PRKG2: variants seen among roughly 807,000 people sequenced by gnomAD.
PRKG2 encodes protein kinase cGMP-dependent 2, also known as cGMP-dependent protein kinase 2.
In PRKG2, 33 loss-of-function variants were observed where a neutral mutation model predicts 97.2. The ratio of observed to expected loss-of-function variants is 0.34; its 90% CI spans 0.26 to 0.45. The LOEUF (loss-of-function observed/expected upper bound fraction) is 0.45. Among genes scored for constraint, PRKG2 ranks in the 20% least tolerant of loss-of-function variants. The pLI, the probability that PRKG2 is intolerant of heterozygous loss-of-function variation, is 1.00. For synonymous variants in PRKG2, 330 were observed against 321.8 expected (o/e 1.03, Z -0.27); for missense variants, 638 against 900.0 (o/e 0.71, Z 3.73).
chr4:81,164,619 CCCA>C (rs757581164), intron 6 of PRKG2, among the ~76,000 whole-genome samples: 3 of 152,110 alleles, frequency 2.0e-5, no homozygotes, highest in Non-Finnish European at 4.4e-5. Flanking sequence ...GCATAAAAAT[CCCA>C]CCATTAGAGT....
At chr4:81,213,439 G>A (rs2110139673) in intron 1 of PRKG2, among the ~76,000 whole-genome samples, 1 of 152,182 alleles carries the variant, frequency 6.6e-6, no homozygotes, top group South Asian at 2.1e-4. Context: ...TCCTTAAGAG[G>A]TGAGCAGGCT....
chr4:81,128,473 T>C (rs1745829240), intron 14 of PRKG2, among the ~76,000 whole-genome samples: 2 of 152,190 alleles, frequency 1.3e-5, no homozygotes, highest in Non-Finnish European at 2.9e-5. Flanking sequence ...GGCTTTTTTT[T>C]GTTGGTAGGC....
At chr4:81,172,587 A>G (rs909435891) in intron 3 of PRKG2, among the ~76,000 whole-genome samples, 1 of 152,120 alleles carries the variant, frequency 6.6e-6, no homozygotes, top group African/African-American at 2.4e-5. Context: ...CCCCTTCACT[A>G]TTTTTCTTTT....
At chr4:81,189,398 TGGCAC>T (rs1458550374) in intron 2 of PRKG2, among the ~76,000 whole-genome samples, 5 of 133,540 alleles carry the variant, frequency 3.7e-5, no homozygotes, top group Admixed American at 3.5e-4. Flanking sequence ...AAAGAAAATG[TGGCAC>T]ATATACACCA....
intron 15 of PRKG2, 21 bp downstream of exon 15, chr4:81,110,427 A>T (rs1461822317): frequency 1.9e-6 from 3 of 1,597,130 alleles, no homozygotes; most frequent in Non-Finnish European, 2.6e-6. Context: ...AGGTGGCTGC[A>T]TAAAACTTGA....
intron 2 of PRKG2, among the ~76,000 whole-genome samples, chr4:81,179,945 C>T (rs997339436): frequency 3.9e-5 from 6 of 151,966 alleles, no homozygotes; most frequent in Middle Eastern, 6.3e-3. Flanking sequence ...GAGTTTGAGA[C>T]CAGCTTGGCC....
intron 5 of PRKG2, 69 bp from the exon 6 acceptor site, chr4:81,167,293 T>C: frequency 1.0e-6 from 1 of 984,420 alleles, no homozygotes. Context: ...ATATGCAGAT[T>C]CTAAAATCTT....
intron 5 of PRKG2, among the ~76,000 whole-genome samples, chr4:81,168,144 C>T (rs911773062): frequency 6.6e-6 from 1 of 152,060 alleles, no homozygotes; most frequent in Non-Finnish European, 1.5e-5. Flanking sequence ...GTTATTAACA[C>T]AGGCTATCAT....
intron 14 of PRKG2, among the ~76,000 whole-genome samples, chr4:81,112,792 CAA>C (rs1304583131): frequency 6.6e-6 from 1 of 152,182 alleles, no homozygotes; most frequent in Admixed American, 6.5e-5. Flanking sequence ...TCTTCTACAT[CAA>C]GTTTTGTATA....
intron 15 of PRKG2, among the ~76,000 whole-genome samples, chr4:81,109,620 C>T (rs1743701093): frequency 6.6e-6 from 1 of 152,022 alleles, no homozygotes; most frequent in African/African-American, 2.4e-5. Flanking sequence ...AAATGTAAAT[C>T]ATAAAATAAT....
intron 14 of PRKG2, among the ~76,000 whole-genome samples, chr4:81,127,026 T>C (rs902747568): frequency 6.6e-6 from 1 of 151,776 alleles, no homozygotes; most frequent in African/African-American, 2.4e-5. Flanking sequence ...AGTCTTTATC[T>C]TGAGTTAATT....
intron 14 of PRKG2, among the ~76,000 whole-genome samples, chr4:81,111,680 T>C (rs747141072): frequency 6.6e-6 from 1 of 152,004 alleles, no homozygotes; most frequent in African/African-American, 2.4e-5. Flanking sequence ...TGAGGCCCTA[T>C]TCAAAGAACT....
intron 2 of PRKG2, 90 bp from the exon 3 acceptor site, chr4:81,175,049 T>A: frequency 8.0e-7 from 1 of 1,253,066 alleles, no homozygotes; most frequent in Non-Finnish European, 1.1e-6. Context: ...TCAATAATAT[T>A]ATCTACAAAC....
In PRKG2 at chr4:81,099,406, A is replaced by G. The variant is rs527854482; in HGVS notation, c.2126+4964T>C. Among the ~76,000 whole-genome samples, 39 of 152,334 alleles carry G rather than the reference A, an allele frequency of 2.6e-4. 1 individual carries two copies. The highest frequency in any genetic ancestry group is 5.4e-4 in the Non-Finnish European group (37 of 68,032). ...ATCCCTGGGATGCAAGGCTGGTTCAATATACGCAAATCAATAAACATAATC... is the reference window on the plus strand; with the variant it reads ...ATCCCTGGGATGCAAGGCTGGTTCAGTATACGCAAATCAATAAACATAATC... On this transcript the variant is annotated intron_variant, in intron 17 of 18. Transcript: ENST00000264399.
At position 81,105,846 on chromosome 4, in the gene PRKG2, C is replaced by G. The variant is rs757860585; in HGVS notation, c.2030G>C (p.Arg677Pro). 1 of 1,613,698 alleles carries G rather than the reference C, an allele frequency of 6.2e-7. No individual in the cohort carries two copies. The highest frequency in any genetic ancestry group is 1.7e-5 in the Admixed American group (1 of 59,980). The part of the protein sequence containing the change: ...EKMDFPRKIT[R>P]RPEDLIRRLC... The stretch of plus-strand genomic sequence containing the variant: ...CCTCCGAATCAAATCCTCAGGTCGT[C>G]GTGTTATCTTCCTGGGAAAATCCAT... Residue 677 changes from arginine to proline, a missense_variant, in exon 16 of 19, where the codon CGA becomes CCA. Physicochemically the swap from Arg to Pro is moderately radical, Grantham distance 103 (BLOSUM62 -2). This residue lies in a region of PRKG2 where 304 missense variants were observed against 460.5 expected (regional missense o/e 0.66). Transcript: ENST00000264399.
rs995508453 is a variant in PRKG2 at position 81,088,260 on chromosome 4, T to C, written c.*1448A>G. On this transcript the variant is annotated 3_prime_UTR_variant, in exon 19 of 19. Coordinates refer to ENST00000264399, the MANE Select transcript of PRKG2 (RefSeq NM_006259.3). ...TCTAGCTTAACTCATTAAGGAAGCA[T>C]ATAGCTGGCTTTTTTCTGGATGATG... 1 of 152,162 alleles carries C rather than the reference T, an allele frequency of 6.6e-6. No individual in the cohort carries two copies. The highest frequency in any genetic ancestry group is 6.6e-5 in the Admixed American group (1 of 15,264). 9.4% of individuals were successfully genotyped at this position (152,162 alleles called of 1,614,324 possible).
chr4:81,155,553 C>T lies in PRKG2; in HGVS notation c.913-1832G>A, dbSNP rs1409383094. ...TCCCCAATCTAGCAAGGCAGGCCAA[C>T]ATTCAGATTCAGGAAATACAGAGAA... is the stretch of plus-strand genomic sequence containing the variant. On this transcript the variant is annotated intron_variant, in intron 6 of 18. Transcript: ENST00000264399. 5.9e-5 allele frequency among the ~76,000 whole-genome samples: 9 copies of T among 151,866 alleles called. No individual in the cohort carries two copies. The East Asian group carries it at 1.7e-3, about 29-fold the overall frequency.
chr4:81,216,251 A>AGAG (rs1754269178), upstream of PRKG2, among the ~76,000 whole-genome samples: 1 of 152,194 alleles, frequency 6.6e-6, no homozygotes, highest in African/African-American at 2.4e-5. Flanking sequence ...ATTAAGTTTC[A>AGAG]GAGGAGGAGG....
At chr4:81,111,071 C>T (rs375656676) in intron 14 of PRKG2, among the ~76,000 whole-genome samples, 23 of 152,030 alleles carry the variant, frequency 1.5e-4, no homozygotes, top group Non-Finnish European at 2.8e-4. Context: ...AAAATAAAAA[C>T]AAAATTGAGA....
Sources: allele counts gnomAD v4.1 joint callset (sites outside exome capture counted in the v4.1 genomes callset), GRCh38; gene constraint gnomAD v4.1.1; regional missense constraint gnomAD v4.1.1; transcripts MANE v1.5; gene names NCBI Gene and HGNC (gene_info 2026-07-23, HGNC 2026-07-21).